ATP13A4: variants seen among roughly 807,000 people sequenced by gnomAD.
The protein encoded by ATP13A4 is probable cation-transporting ATPase 13A4.
Under a neutral mutation model 142.5 loss-of-function variants are expected in ATP13A4, and 114 were observed. That is an observed-to-expected ratio of 0.80 (90% CI 0.69 to 0.93). ATP13A4 has a LOEUF of 0.93. Ranked by LOEUF, ATP13A4 falls within the 40% of genes least tolerant of loss-of-function variation. The pLI, the probability that ATP13A4 is intolerant of heterozygous loss-of-function variation, is 0.00. For missense variants in ATP13A4, 1,392 were observed against 1,454.0 expected, an observed-to-expected ratio of 0.96 and a Z score of 0.69; for synonymous variants, 488 against 514.8, an observed-to-expected ratio of 0.95 and a Z score of 0.70.
chr3:193,525,959 T>TTAGTA (rs1490538036), intron 1 of ATP13A4, among the ~76,000 whole-genome samples: 1 of 152,180 alleles, frequency 6.6e-6, no homozygotes, highest in Non-Finnish European at 1.5e-5. Context: ...CCCACCCTTC[T>TTAGTA]TAGTATGAGG....
At chr3:193,443,685 A>C (rs1716785432) in intron 18 of ATP13A4, among the ~76,000 whole-genome samples, 1 of 152,252 alleles carries the variant, frequency 6.6e-6, no homozygotes, top group African/African-American at 2.4e-5. Flanking sequence ...TGGAAGTATC[A>C]GACAATGGTT....
At chr3:193,548,015 G>A (rs193207035) in intron 1 of ATP13A4, among the ~76,000 whole-genome samples, 2 of 152,224 alleles carry the variant, frequency 1.3e-5, no homozygotes, top group Admixed American at 1.3e-4. Flanking sequence ...TACTTGTTGG[G>A]TTTATACATG....
chr3:193,439,171 T>C (rs1716476891), intron 21 of ATP13A4, 106 bp from the exon 22 acceptor site: 2 of 1,190,524 alleles, frequency 1.7e-6, no homozygotes, highest in Non-Finnish European at 2.5e-6. Context: ...AAACTCATTA[T>C]TTAAGGGAAT....
At position 193,412,356 on chromosome 3, in the gene ATP13A4, T is replaced by C. The variant is rs765365716; in HGVS notation, c.3030A>G (p.Gln1010=). Residue 1010 remains glutamine, a synonymous_variant, in exon 27 of 30, where the codon CAA becomes CAG. Transcript: ENST00000342695. ...SVEIHSACTV[Q]NESISELTMS... is the part of the protein sequence containing the mutation. Reference sequence around the variant, plus strand: ...TGGTTAACTCTGAGATGCTTTCATTTTGTACTGTGCAGGCACTAAAAGGGA... The same window carrying C: ...TGGTTAACTCTGAGATGCTTTCATTCTGTACTGTGCAGGCACTAAAAGGGA... 2 of 1,614,146 alleles carry C rather than the reference T, an allele frequency of 1.2e-6. No homozygotes were observed. The highest frequency in any genetic ancestry group is 3.3e-5 in the Admixed American group (2 of 60,018).
At chr3:193,433,087 C>T (rs1384696474) in intron 25 of ATP13A4, among the ~76,000 whole-genome samples, 1 of 152,188 alleles carries the variant, frequency 6.6e-6, no homozygotes, top group African/African-American at 2.4e-5. Flanking sequence ...TTAGTTTCAA[C>T]ATGAATGTTG....
chr3:193,514,766 A>G lies in ATP13A4; in HGVS notation c.166T>C (p.Trp56Arg). The change falls in exon 2 of 30, where the codon TGG becomes CGG. Residue 56 changes from tryptophan to arginine, a missense_variant. Trp to Arg is a moderately radical substitution (Grantham distance 101). Transcript: ENST00000342695. ...LPLVFYWRPA[W>R]HVWAHCVPCS... The stretch of plus-strand genomic sequence containing the variant: ...GGGACACAATGTGCCCATACGTGCC[A>G]TGCTGGTCTCCAGTAAAACACCAAG... The G allele has an allele frequency of 1.2e-6, 2 of 1,614,230 alleles. No individual in the cohort carries two copies. Among genetic ancestry groups the G allele is most frequent in the Non-Finnish European group, 1.7e-6 (2 of 1,180,034 alleles).
Position 193,419,758 on chromosome 3 carries a change from G to A in ATP13A4, c.2843-5008C>T, listed in dbSNP as rs147676837. Among the ~76,000 whole-genome samples the A allele has an allele frequency of 5.0e-3, 751 of 150,246 alleles. 46 individuals are homozygous for A. The highest frequency in any genetic ancestry group is 0.018 in the African/African-American group (720 of 40,918). On this transcript the variant is annotated intron_variant, in intron 25 of 29. Coordinates refer to ENST00000342695, the MANE Select transcript of ATP13A4 (RefSeq NM_032279.4). Reference sequence around the variant, plus strand: ...AGCTCTAGTTCCCTGGTTCCCTAGAGCTTGACTAGCTGGACTAGAGTCTGA... The same window carrying A: ...AGCTCTAGTTCCCTGGTTCCCTAGAACTTGACTAGCTGGACTAGAGTCTGA...
intron 25 of ATP13A4, among the ~76,000 whole-genome samples, chr3:193,422,932 A>G (rs1715477179): frequency 6.7e-6 from 1 of 149,642 alleles, no homozygotes; most frequent in South Asian, 2.1e-4. Flanking sequence ...AGCAAAACAG[A>G]GTTGGTTTTC....
intron 1 of ATP13A4, among the ~76,000 whole-genome samples, chr3:193,518,466 GA>G (rs1030083538): frequency 6.6e-6 from 1 of 152,192 alleles, no homozygotes; most frequent in African/African-American, 2.4e-5. Context: ...GAAAGCAAGG[GA>G]ATGATGAACA....
intron 8 of ATP13A4, among the ~76,000 whole-genome samples, chr3:193,473,865 C>T (rs1718759117): frequency 6.6e-6 from 1 of 152,158 alleles, no homozygotes; most frequent in Non-Finnish European, 1.5e-5. Flanking sequence ...ACATGGCAAA[C>T]AAGAGCATTG....
At chr3:193,445,671 C>T (rs923340502) in intron 18 of ATP13A4, among the ~76,000 whole-genome samples, 11 of 151,932 alleles carry the variant, frequency 7.2e-5, no homozygotes, top group Admixed American at 5.2e-4. Context: ...GCAGGAGAAT[C>T]GCTTGAACCC....
At chr3:193,572,893 T>C (rs1724299723) in intron 2 of ATP13A4, among the ~76,000 whole-genome samples, 1 of 151,180 alleles carries the variant, frequency 6.6e-6, no homozygotes, top group African/African-American at 2.4e-5. Flanking sequence ...TTTGGGAGGC[T>C]GAACTGGGCA....
chr3:193,470,829 A>C, intron 9 of ATP13A4, 30 bp downstream of exon 9: 6 of 1,613,650 alleles, frequency 3.7e-6, no homozygotes, highest in Non-Finnish European at 5.1e-6. Flanking sequence ...CAGCCCACAG[A>C]GGTTGTCAGC....
chr3:193,525,006 A>G (rs905152093), intron 1 of ATP13A4, among the ~76,000 whole-genome samples: 1 of 152,100 alleles, frequency 6.6e-6, no homozygotes, highest in African/African-American at 2.4e-5. Context: ...TGTTTTTGCA[A>G]TCTGTTAGAA....
intron 1 of ATP13A4, among the ~76,000 whole-genome samples, chr3:193,523,452 G>A (rs1306888012): frequency 6.6e-6 from 1 of 152,200 alleles, no homozygotes; most frequent in Admixed American, 6.5e-5. Context: ...GACCTCTAGG[G>A]AAAGGAAAGG....
At chr3:193,454,872 T>G (rs548114179) in intron 16 of ATP13A4, among the ~76,000 whole-genome samples, 1 of 152,192 alleles carries the variant, frequency 6.6e-6, no homozygotes, top group Middle Eastern at 3.4e-3. Context: ...TGGGATCCAA[T>G]TAAACTAAAG....
intron 1 of ATP13A4, among the ~76,000 whole-genome samples, chr3:193,585,047 C>A (rs897761922): frequency 2.0e-5 from 3 of 152,188 alleles, no homozygotes; most frequent in African/African-American, 7.2e-5. Context: ...CTGCAGCCTG[C>A]AGGCTGCATG....
At position 193,439,267 on chromosome 3, in the gene ATP13A4, TGTAA is replaced by T. The variant is rs199601893; in HGVS notation, c.2520-206_2520-203del. 5.6e-3 allele frequency among the ~76,000 whole-genome samples: 851 copies of T among 152,344 alleles called. 13 individuals are homozygous for T. Among genetic ancestry groups the T allele is most frequent in the African/African-American group, 0.019 (788 of 41,582 alleles). Reference sequence around the variant, plus strand: ...AGAAATTCAGAACGTGATTCCTGACTGTAAGTGTTTCATGTAGACACTGCACATC... The same window carrying T: ...AGAAATTCAGAACGTGATTCCTGACTGTGTTTCATGTAGACACTGCACATC... On this transcript the variant is annotated intron_variant, in intron 21 of 29. Transcript: ENST00000342695.
In ATP13A4 at chr3:193,521,052, C is replaced by T. The variant is rs115803661; in HGVS notation, c.61-6181G>A. 8.1e-3 allele frequency among the ~76,000 whole-genome samples: 1,231 copies of T among 152,232 alleles called. 18 individuals are homozygous for T. The highest frequency in any genetic ancestry group is 0.027 in the African/African-American group (1,125 of 41,538). On this transcript the variant is annotated intron_variant, in intron 1 of 29. Coordinates refer to ENST00000342695, the MANE Select transcript of ATP13A4 (RefSeq NM_032279.4). ...CAGGCTCAAGAACCAAGGCAACGAT[C>T]GTAAAAATGCTTCTGTGCTGCACCT...
Sources: allele counts gnomAD v4.1 joint callset (sites outside exome capture counted in the v4.1 genomes callset), GRCh38; gene constraint gnomAD v4.1.1; transcripts MANE v1.5; gene names NCBI Gene and HGNC (gene_info 2026-07-23, HGNC 2026-07-21).